Variants in CNTN5 observed in about 807,000 individuals in gnomAD.
CNTN5 encodes contactin-5.
CNTN5 carries 77 observed loss-of-function variants against 129.1 expected under a neutral mutation model. The ratio of observed to expected loss-of-function variants is 0.60; its 90% CI spans 0.50 to 0.72. The LOEUF is 0.72. Ranked by LOEUF, CNTN5 falls within the 30% of genes least tolerant of loss-of-function variation. The pLI is 0.00. For missense variants in CNTN5, 1,478 were observed against 1,328.8 expected, an observed-to-expected ratio of 1.11 and a Z score of -1.75; for synonymous variants, 509 against 465.6, an observed-to-expected ratio of 1.09 and a Z score of -1.20.
intron 1 of CNTN5, among the ~76,000 whole-genome samples, chr11:99,027,608 TTAA>T (rs1355372646): frequency 2.6e-5 from 4 of 151,686 alleles, no homozygotes; most frequent in Admixed American, 2.6e-4. Context: ...ATGCTTAATT[TTAA>T]TAATGTCATA....
intron 15 of CNTN5, among the ~76,000 whole-genome samples, chr11:100,211,749 GT>G (rs1331369462): frequency 6.6e-6 from 1 of 151,896 alleles, no homozygotes. Flanking sequence ...CAGTTTGTTT[GT>G]TTTTTTAACC....
At chr11:100,241,067 T>C (rs1313304370) in intron 16 of CNTN5, among the ~76,000 whole-genome samples, 1 of 152,198 alleles carries the variant, frequency 6.6e-6, no homozygotes, top group Non-Finnish European at 1.5e-5. Flanking sequence ...CTTTCCATAT[T>C]TTAGCACCTC....
intron 9 of CNTN5, among the ~76,000 whole-genome samples, chr11:100,033,852 A>G (rs957176485): frequency 2.6e-5 from 4 of 152,302 alleles, no homozygotes; most frequent in African/African-American, 7.2e-5. Flanking sequence ...GTCAGATGCT[A>G]CTTTCCAGAG....
intron 1 of CNTN5, among the ~76,000 whole-genome samples, chr11:99,129,695 G>A (rs112865748): frequency 0.051 from 7,763 of 152,180 alleles, 363 homozygotes; most frequent in African/African-American, 0.13. Flanking sequence ...AGGAAAAAAT[G>A]TTAAGGGCAG....
intron 1 of CNTN5, among the ~76,000 whole-genome samples, chr11:99,222,926 A>C (rs1860471328): frequency 6.6e-6 from 1 of 152,202 alleles, no homozygotes; most frequent in Non-Finnish European, 1.5e-5. Flanking sequence ...CACAAAAATG[A>C]TTCTATTCCC....
chr11:99,066,617 G>A (rs1475636505), intron 1 of CNTN5, among the ~76,000 whole-genome samples: 1 of 152,088 alleles, frequency 6.6e-6, no homozygotes, highest in Non-Finnish European at 1.5e-5. Flanking sequence ...ATGTGAATTA[G>A]TGTTACATCA....
chr11:99,617,678 A>G (rs1487817290), intron 3 of CNTN5, among the ~76,000 whole-genome samples: 1 of 152,168 alleles, frequency 6.6e-6, no homozygotes, highest in African/African-American at 2.4e-5. Flanking sequence ...ATATTACCAA[A>G]TTCTGTGCAT....
chr11:100,116,513 A>T (rs947849363), intron 13 of CNTN5, among the ~76,000 whole-genome samples: 3 of 151,958 alleles, frequency 2.0e-5, no homozygotes, highest in African/African-American at 7.2e-5. Flanking sequence ...AATTAGAAAA[A>T]AAAAAAGACT....
At chr11:100,155,454 T>C (rs915242918) in intron 13 of CNTN5, among the ~76,000 whole-genome samples, 5 of 152,188 alleles carry the variant, frequency 3.3e-5, no homozygotes, top group Non-Finnish European at 7.3e-5. Flanking sequence ...TCCGAGAGCA[T>C]GATGCCTCCA....
chr11:99,365,352 TAG>T (rs1238692680), intron 2 of CNTN5, among the ~76,000 whole-genome samples: 1 of 152,146 alleles, frequency 6.6e-6, no homozygotes, highest in Non-Finnish European at 1.5e-5. Context: ...ACAGACAAAA[TAG>T]AGTCTTTCCA....
At chr11:99,419,034 A>G (rs1039809874) in intron 2 of CNTN5, among the ~76,000 whole-genome samples, 1 of 150,406 alleles carries the variant, frequency 6.6e-6, no homozygotes, top group Non-Finnish European at 1.5e-5. Context: ...ATGCATGATA[A>G]GGAATGTCAA....
intron 1 of CNTN5, among the ~76,000 whole-genome samples, chr11:99,129,013 C>A (rs1393901223): frequency 4.6e-5 from 7 of 152,118 alleles, no homozygotes; most frequent in Non-Finnish European, 8.8e-5. Flanking sequence ...AAAAACCAAG[C>A]AAAAATGCTG....
chr11:100,292,662 G>A (rs1951015862), intron 18 of CNTN5, among the ~76,000 whole-genome samples: 1 of 151,936 alleles, frequency 6.6e-6, no homozygotes, highest in African/African-American at 2.4e-5. Context: ...AGCTGGGGTT[G>A]GAGGGAGATG....
At chr11:100,017,609 A>G (rs1940898858) in intron 9 of CNTN5, among the ~76,000 whole-genome samples, 1 of 152,012 alleles carries the variant, frequency 6.6e-6, no homozygotes, top group African/African-American at 2.4e-5. Context: ...TCCTCCATCT[A>G]TGTGCAGTTT....
intron 7 of CNTN5, among the ~76,000 whole-genome samples, chr11:99,955,911 T>G (rs2136166986): frequency 6.6e-6 from 1 of 152,266 alleles, no homozygotes. Context: ...TTGCTTAGAA[T>G]CAATGTTCAA....
intron 3 of CNTN5, among the ~76,000 whole-genome samples, chr11:99,755,972 A>T (rs1409931035): frequency 6.6e-6 from 1 of 152,138 alleles, no homozygotes. Context: ...AATAAAATCA[A>T]AGGAAATATC....
intron 3 of CNTN5, among the ~76,000 whole-genome samples, chr11:99,761,600 C>A (rs1367383896): frequency 1.3e-4 from 20 of 151,886 alleles, no homozygotes; most frequent in Admixed American, 7.2e-4. Context: ...TGAACTCATC[C>A]TTTTTTATGG....
rs187588810 is a variant in CNTN5 at position 99,836,343 on chromosome 11, C to T, written c.278-8509C>T. Among the ~76,000 whole-genome samples, 101 of 142,368 alleles carry T rather than the reference C, an allele frequency of 7.1e-4. No individual in the cohort carries two copies. The South Asian group carries it at 0.02, about 28-fold the overall frequency. 93.4% of individuals were successfully genotyped at this position (142,368 alleles called of 152,430 possible). ...GTGTGTGATGTTCCCCACCCTGTGT[C>T]GAAGTGTTCTCATTGTTCAATTCCT... is the stretch of plus-strand genomic sequence containing the variant. On this transcript the variant is annotated intron_variant, in intron 4 of 24. Transcript: ENST00000524871.
rs1236895014 is a variant in CNTN5, at chr11:99,315,631, A to C, written c.-209-9715A>C. Among the ~76,000 whole-genome samples the C allele has an allele frequency of 2.7e-5, 4 of 149,632 alleles. 1 individual carries two copies. Among genetic ancestry groups the C allele is most frequent in the Non-Finnish European group, 6.0e-5 (4 of 66,786 alleles). On this transcript the variant is annotated intron_variant, in intron 1 of 24. Transcript: ENST00000524871. ...TTTATTTCGCTTTAGCCAAGAATGC[A>C]TAGGAAAAAATAGATAATATTAAAA...
Sources: allele counts gnomAD v4.1 joint callset (sites outside exome capture counted in the v4.1 genomes callset), GRCh38; gene constraint gnomAD v4.1.1; transcripts MANE v1.5; gene names NCBI Gene and HGNC (gene_info 2026-07-23, HGNC 2026-07-21).